Variants in CAMK2B observed in about 807,000 individuals in gnomAD.
CAMK2B encodes the protein calcium/calmodulin-dependent protein kinase type II subunit beta.
A neutral mutation model predicts 93.7 loss-of-function variants in CAMK2B; 27 were observed. That is an observed-to-expected ratio of 0.29 (90% CI 0.21 to 0.40). The LOEUF is 0.40. CAMK2B is among the 10% of genes least tolerant of loss of function. The pLI is 1.00. For synonymous variants in CAMK2B, 374 were observed against 358.8 expected (o/e 1.04, Z -0.48); for missense variants, 568 against 895.8 (o/e 0.63, Z 4.67).
intron 1 of CAMK2B, among the ~76,000 whole-genome samples, chr7:44,301,733 C>T (rs924749139): frequency 2.6e-5 from 4 of 151,482 alleles, no homozygotes; most frequent in Non-Finnish European, 5.9e-5. Flanking sequence ...GCCGAGATCG[C>T]GCCACTGCAC....
chr7:44,268,620 GA>G (rs1215274190), intron 2 of CAMK2B: 1 of 152,410 alleles, frequency 6.6e-6, no homozygotes, highest in African/African-American at 2.4e-5. Context: ...CAGGAGCAGG[GA>G]CCACAGGTCC....
intron 4 of CAMK2B, 70 bp from the exon 5 acceptor site, chr7:44,254,677 C>T: frequency 2.1e-6 from 2 of 951,366 alleles, no homozygotes; most frequent in Non-Finnish European, 3.4e-6. Flanking sequence ...ACCTCCATTA[C>T]TACCACCACC....
chr7:44,275,141 C>T (rs575387050), intron 2 of CAMK2B, among the ~76,000 whole-genome samples: 4 of 152,144 alleles, frequency 2.6e-5, no homozygotes, highest in Non-Finnish European at 5.9e-5. Context: ...TCCCCTCCCT[C>T]CCTTCCCTGG....
At chr7:44,324,181 C>T (rs577904375) in intron 1 of CAMK2B, among the ~76,000 whole-genome samples, 1 of 152,380 alleles carries the variant, frequency 6.6e-6, no homozygotes, top group South Asian at 2.1e-4. Flanking sequence ...GTCCCTCACC[C>T]ACCACAAGGT....
chr7:44,305,696 G>A (rs1791283441), intron 1 of CAMK2B, among the ~76,000 whole-genome samples: 1 of 152,184 alleles, frequency 6.6e-6, no homozygotes, highest in African/African-American at 2.4e-5. Flanking sequence ...GAAGAAGCAG[G>A]GCCGGGAGTT....
chr7:44,252,865 C>T lies in CAMK2B; in HGVS notation c.341+1677G>A, dbSNP rs114552455. On this transcript the variant is annotated intron_variant, in intron 5 of 23. Coordinates refer to ENST00000395749, the MANE Select transcript of CAMK2B (RefSeq NM_001220.5). The stretch of plus-strand genomic sequence containing the variant: ...TTCTAAGTAGAATATAAAGGAAAAC[C>T]TCGTCTTCCTCCACTCCAAGGGCAC... Among the ~76,000 whole-genome samples, 655 of 152,362 alleles carry T rather than the reference C, an allele frequency of 4.3e-3. 6 individuals are homozygous for T. The highest frequency in any genetic ancestry group is 0.015 in the African/African-American group (632 of 41,574).
intron 18 of CAMK2B, 67 bp from the exon 19 acceptor site, chr7:44,228,991 G>A (rs1180251397): frequency 2.0e-6 from 3 of 1,505,788 alleles, no homozygotes; most frequent in Non-Finnish European, 2.8e-6. Context: ...CAAGGCGGAG[G>A]AGGCCAGTGG....
Position 44,224,746 on chromosome 7 carries a change from C to T in CAMK2B, c.1597+1770G>A, listed in dbSNP as rs774743306. On this transcript the variant is annotated intron_variant, in intron 20 of 23. Transcript: ENST00000395749. This position sits in a 1 kb window ranked among gnomAD's most constrained non-coding sequence, Gnocchi z 4.4. ...ATCAGGCTGGATTGTGTATAATCCGCGATTAGAGAGCGTGGGTGGGGAGGA... is the reference window on the plus strand; with the variant it reads ...ATCAGGCTGGATTGTGTATAATCCGTGATTAGAGAGCGTGGGTGGGGAGGA... Among the ~76,000 whole-genome samples the T allele has an allele frequency of 8.6e-5, 13 of 151,960 alleles. No homozygotes were observed. Among genetic ancestry groups the T allele is most frequent in the African/African-American group, 2.7e-4 (11 of 41,362 alleles).
intron 4 of CAMK2B, among the ~76,000 whole-genome samples, chr7:44,256,714 G>A (rs147736914): frequency 6.6e-6 from 1 of 152,252 alleles, no homozygotes; most frequent in South Asian, 2.1e-4. Context: ...TTACGGTCTT[G>A]AGCCAGGGCT....
chr7:44,235,986 CCAG>C (rs56301509), intron 13 of CAMK2B, among the ~76,000 whole-genome samples: 1 of 151,782 alleles, frequency 6.6e-6, no homozygotes, highest in Non-Finnish European at 1.5e-5. Context: ...TCCCCCAACC[CCAG>C]CAGCAGCAGC....
chr7:44,264,418 G>A (rs941428655), intron 2 of CAMK2B, among the ~76,000 whole-genome samples: 4 of 152,138 alleles, frequency 2.6e-5, no homozygotes, highest in African/African-American at 4.8e-5. Flanking sequence ...AGAAAGCCAC[G>A]CCTACAGATG....
Position 44,287,133 on chromosome 7 carries a change from G to A in CAMK2B, c.66-2908C>T, listed in dbSNP as rs369352909. On this transcript the variant is annotated intron_variant, in intron 1 of 23. Coordinates refer to ENST00000395749, the MANE Select transcript of CAMK2B (RefSeq NM_001220.5). ...GCCAGCTGGGGGAAGGCGCAGGAGG[G>A]CTGGCTCCCAAGGACACCACTGCTC... Among the ~76,000 whole-genome samples the A allele has an allele frequency of 1.8e-4, 27 of 152,200 alleles. No homozygotes were observed. In the South Asian group the frequency reaches 5.6e-3, roughly 32 times the overall value.
intron 1 of CAMK2B, among the ~76,000 whole-genome samples, chr7:44,296,762 GT>G (rs1278136399): frequency 1.3e-5 from 2 of 152,208 alleles, no homozygotes; most frequent in Non-Finnish European, 2.9e-5. Context: ...GGAGAGTGGA[GT>G]AAAATATCTA....
chr7:44,242,718 C>T (rs901548291), intron 8 of CAMK2B, 64 bp from the exon 9 acceptor site: 4 of 1,139,362 alleles, frequency 3.5e-6, no homozygotes, highest in African/African-American at 3.0e-5. Context: ...GAAGCCCATG[C>T]CCTGCACCCT....
chr7:44,253,146 A>C (rs1211716913), intron 5 of CAMK2B, among the ~76,000 whole-genome samples: 1 of 151,996 alleles, frequency 6.6e-6, no homozygotes, highest in Admixed American at 6.5e-5. Context: ...CTGCTACTTA[A>C]AAAAAAATTC....
At chr7:44,309,035 G>A (rs750536553) in intron 1 of CAMK2B, among the ~76,000 whole-genome samples, 1 of 152,216 alleles carries the variant, frequency 6.6e-6, no homozygotes, top group Non-Finnish European at 1.5e-5. Context: ...AGGCTGAAAC[G>A]GACCCCAGAG....
chr7:44,256,374 T>C (rs2096833954), intron 4 of CAMK2B, among the ~76,000 whole-genome samples: 1 of 152,218 alleles, frequency 6.6e-6, no homozygotes, highest in South Asian at 2.1e-4. Context: ...TGTGTGTCTG[T>C]ACCTATGTGT....
chr7:44,228,097 G>A (rs975121559), intron 19 of CAMK2B, among the ~76,000 whole-genome samples: 1 of 151,880 alleles, frequency 6.6e-6, no homozygotes, highest in African/African-American at 2.4e-5. Flanking sequence ...ACCCTCCAGG[G>A]AGAGGCTGCT....
intron 5 of CAMK2B, among the ~76,000 whole-genome samples, chr7:44,252,323 C>T (rs2096788081): frequency 6.6e-6 from 1 of 151,832 alleles, no homozygotes; most frequent in Admixed American, 6.6e-5. Flanking sequence ...GTGTCTCCTT[C>T]CCCAAACCTG....
Sources: allele counts gnomAD v4.1 joint callset (sites outside exome capture counted in the v4.1 genomes callset), GRCh38; gene constraint gnomAD v4.1.1; non-coding constraint Gnocchi (gnomAD v3.1); transcripts MANE v1.5; gene names NCBI Gene and HGNC (gene_info 2026-07-23, HGNC 2026-07-21).